SEC22A: variants seen among roughly 807,000 people sequenced by gnomAD.
The protein encoded by SEC22A is vesicle-trafficking protein SEC22a.
A neutral mutation model predicts 35.3 loss-of-function variants in SEC22A; 22 were observed. That is an observed-to-expected ratio of 0.62 (90% confidence interval 0.45 to 0.89). SEC22A has a LOEUF of 0.89. Among genes scored for constraint, SEC22A ranks in the 40% least tolerant of loss-of-function variants. The pLI is 0.00. For missense variants in SEC22A, 354 were observed against 362.5 expected (o/e 0.98, Z 0.19); for synonymous variants, 119 against 129.5 (o/e 0.92, Z 0.55).
intron 2 of SEC22A, among the ~76,000 whole-genome samples, chr3:123,221,412 A>C (rs550000496): frequency 2.9e-5 from 4 of 140,146 alleles, no homozygotes; most frequent in Non-Finnish European, 6.0e-5. Flanking sequence ...CGGAGGTTGC[A>C]GTGAGCCGAG....
chr3:123,220,869 T>TATATATATATAC (rs974486717), intron 2 of SEC22A, among the ~76,000 whole-genome samples: 1 of 116,670 alleles, frequency 8.6e-6, no homozygotes, highest in South Asian at 2.5e-4. Context: ...AAAGGTCTCA[T>TATATATATATAC]ATATATATAT....
chr3:123,225,228 C>T lies in SEC22A; in HGVS notation c.472C>T (p.Leu158=). ...TCCTTATCAAATTTCCATGTGCGAA[C>T]TGGGGTCAGCCAATGGAGTCACATC... ...RPPYQISMCE[L]GSANGVTSAF... Residue 158 remains leucine (L), a synonymous_variant, in exon 4 of 7, where the codon CTG becomes TTG. Transcript: ENST00000492595. 1 of 1,613,720 alleles carries T rather than the reference C, an allele frequency of 6.2e-7. No homozygotes were observed.
chr3:123,236,241 T>C (rs1937417286), intron 4 of SEC22A, among the ~76,000 whole-genome samples: 1 of 152,210 alleles, frequency 6.6e-6, no homozygotes, highest in African/African-American at 2.4e-5. Context: ...AGTTCGATTA[T>C]TACTTTGAAG....
At chr3:123,263,103 C>T (rs560801601) in intron 6 of SEC22A, among the ~76,000 whole-genome samples, 6 of 152,292 alleles carry the variant, frequency 3.9e-5, no homozygotes, top group Admixed American at 2.6e-4. Flanking sequence ...CAATTACTAA[C>T]GCATTCTCCA....
chr3:123,238,122 C>G (rs1937451579), intron 4 of SEC22A, among the ~76,000 whole-genome samples: 1 of 152,104 alleles, frequency 6.6e-6, no homozygotes, highest in Non-Finnish European at 1.5e-5. Flanking sequence ...CCACTGTACT[C>G]CAGCCTGGGT....
chr3:123,217,503 G>A (rs1254765174), intron 2 of SEC22A, among the ~76,000 whole-genome samples: 3 of 151,356 alleles, frequency 2.0e-5, no homozygotes, highest in Admixed American at 6.6e-5. Context: ...GTGAGCCACC[G>A]CACCCGGCCC....
chr3:123,266,446 T>TC (rs1252254303), intron 6 of SEC22A, among the ~76,000 whole-genome samples: 4 of 152,176 alleles, frequency 2.6e-5, no homozygotes, highest in Non-Finnish European at 4.4e-5. Flanking sequence ...TCTTAGCACT[T>TC]CTTTAGCTGT....
intron 4 of SEC22A, among the ~76,000 whole-genome samples, chr3:123,227,307 T>C (rs1937232556): frequency 6.6e-6 from 1 of 152,176 alleles, no homozygotes; most frequent in African/African-American, 2.4e-5. Flanking sequence ...GTTCCTCCCT[T>C]CCTTCAGCAG....
intron 1 of SEC22A, among the ~76,000 whole-genome samples, chr3:123,203,484 A>T (rs1253752814): frequency 6.6e-6 from 1 of 152,222 alleles, no homozygotes; most frequent in South Asian, 2.1e-4. Context: ...TACTATTGTC[A>T]TCTTTAAAAC....
intron 5 of SEC22A, among the ~76,000 whole-genome samples, chr3:123,257,579 AT>A (rs1279853867): frequency 6.6e-6 from 1 of 152,048 alleles, no homozygotes; most frequent in African/African-American, 2.4e-5. Context: ...GGTGCCTGTA[AT>A]CCCAGCTACT....
At chr3:123,223,516 G>A in intron 2 of SEC22A, 43 bp from the exon 3 acceptor site, 1 of 1,516,462 alleles carries the variant, frequency 6.6e-7, no homozygotes, top group Non-Finnish European at 9.1e-7. Flanking sequence ...GAATTACCTT[G>A]ATTTAATTTG....
intron 6 of SEC22A, among the ~76,000 whole-genome samples, chr3:123,269,492 G>C (rs78032243): frequency 6.6e-6 from 1 of 151,736 alleles, no homozygotes; most frequent in Non-Finnish European, 1.5e-5. Context: ...CATGTATTGC[G>C]TATCACCTCT....
At chr3:123,262,175 C>A (rs1937907708) in intron 6 of SEC22A, among the ~76,000 whole-genome samples, 1 of 152,096 alleles carries the variant, frequency 6.6e-6, no homozygotes, top group Non-Finnish European at 1.5e-5. Flanking sequence ...ATCTGAAAAG[C>A]CATTACCACA....
intron 4 of SEC22A, among the ~76,000 whole-genome samples, chr3:123,233,765 G>A (rs1224644724): frequency 6.6e-6 from 1 of 152,150 alleles, no homozygotes; most frequent in African/African-American, 2.4e-5. Context: ...AAGACAGGAT[G>A]CTTTTTCCTA....
At chr3:123,231,837 A>G (rs1937331865) in intron 4 of SEC22A, among the ~76,000 whole-genome samples, 1 of 152,220 alleles carries the variant, frequency 6.6e-6, no homozygotes, top group African/African-American at 2.4e-5. Context: ...AACAAATGAA[A>G]TAGAGGATAG....
At chr3:123,203,690 A>G (rs1320352363) in intron 1 of SEC22A, among the ~76,000 whole-genome samples, 1 of 152,198 alleles carries the variant, frequency 6.6e-6, no homozygotes, top group Admixed American at 6.5e-5. Flanking sequence ...CTGATGAAGC[A>G]TAGTGATGTA....
Position 123,220,548 on chromosome 3 carries a change from G to A in SEC22A, c.183-3011G>A, listed in dbSNP as rs553845967. On this transcript the variant is annotated intron_variant, in intron 2 of 6. Transcript: ENST00000492595. ...AGATACATTTTACTTTGTGAATGCT[G>A]TATATACACATATAGGAAACTAAAA... Among the ~76,000 whole-genome samples, 9 of 152,068 alleles carry A rather than the reference G, an allele frequency of 5.9e-5. No individual in the cohort carries two copies. The South Asian group carries it at 1.9e-3, about 32-fold the overall frequency.
intron 6 of SEC22A, among the ~76,000 whole-genome samples, chr3:123,263,673 C>A (rs1937947311): frequency 6.6e-6 from 1 of 152,074 alleles, no homozygotes; most frequent in South Asian, 2.1e-4. Context: ...GCCACCATGC[C>A]TGGCTAATTT....
intron 2 of SEC22A, among the ~76,000 whole-genome samples, chr3:123,222,355 T>C (rs1304898644): frequency 1.3e-5 from 2 of 151,914 alleles, no homozygotes; most frequent in South Asian, 2.1e-4. Flanking sequence ...TGCACCACCA[T>C]GCCCAGTTAA....
Sources: allele counts gnomAD v4.1 joint callset (sites outside exome capture counted in the v4.1 genomes callset), GRCh38; gene constraint gnomAD v4.1.1; transcripts MANE v1.5; gene names NCBI Gene and HGNC (gene_info 2026-07-23, HGNC 2026-07-21).